The following EPB41L2 variants were observed in gnomAD, a reference collection of about 807,000 sequenced individuals.
EPB41L2 encodes the protein erythrocyte membrane protein band 4.1 like 2.
In EPB41L2, 43 loss-of-function variants were observed where a neutral mutation model predicts 113.0. That is an observed-to-expected ratio of 0.38 (90% CI 0.30 to 0.49). The LOEUF (loss-of-function observed/expected upper bound fraction) is 0.49. Among genes scored for constraint, EPB41L2 ranks in the 20% least tolerant of loss-of-function variants. The probability of loss-of-function intolerance (pLI) is 0.95; values close to 1 mark genes in which losing one functional copy is unlikely to be tolerated. For missense variants in EPB41L2, 1,147 were observed against 1,223.4 expected, an observed-to-expected ratio of 0.94 and a Z score of 0.93; for synonymous variants, 442 against 436.7, an observed-to-expected ratio of 1.01 and a Z score of -0.15.
At chr6:130,844,201 T>G (rs1319247594) in intron 19 of EPB41L2, among the ~76,000 whole-genome samples, 1 of 152,224 alleles carries the variant, frequency 6.6e-6, no homozygotes, top group Non-Finnish European at 1.5e-5. Flanking sequence ...CAACATTTCT[T>G]CAGATTAATG....
intron 3 of EPB41L2, among the ~76,000 whole-genome samples, chr6:130,927,085 C>A (rs1475272570): frequency 6.6e-6 from 1 of 152,144 alleles, no homozygotes; most frequent in Non-Finnish European, 1.5e-5. Context: ...CCAGGAAAAT[C>A]ATTTAGCCCT....
chr6:130,986,881 C>T (rs1212819112), intron 1 of EPB41L2, among the ~76,000 whole-genome samples: 1 of 152,054 alleles, frequency 6.6e-6, no homozygotes, highest in Non-Finnish European at 1.5e-5. Flanking sequence ...AAAAAAGAAA[C>T]CTCATACTCC....
chr6:131,024,947 G>A (rs1476073944), intron 1 of EPB41L2, among the ~76,000 whole-genome samples: 1 of 152,042 alleles, frequency 6.6e-6, no homozygotes, highest in Admixed American at 6.6e-5. Context: ...CCTAAGAACA[G>A]TCTTCTTCCT....
Position 130,879,504 on chromosome 6 carries a change from GA to G in EPB41L2, c.1896+639del, listed in dbSNP as rs887163413. Among the ~76,000 whole-genome samples, 95 of 150,726 alleles carry G rather than the reference GA, an allele frequency of 6.3e-4. 2 individuals are homozygous for G. In the East Asian group the frequency reaches 0.016, roughly 25 times the overall value. On this transcript the variant is annotated intron_variant, in intron 13 of 19. Coordinates refer to ENST00000337057, the MANE Select transcript of EPB41L2 (RefSeq NM_001431.4). ...CACATACTACTGTAAAATAAGAAGG[GA>G]AAAAAAAATGTTCTCACGTGACACG...
intron 3 of EPB41L2, among the ~76,000 whole-genome samples, chr6:130,929,631 T>G (rs146156461): frequency 6.6e-6 from 1 of 152,190 alleles, no homozygotes; most frequent in East Asian, 1.9e-4. Flanking sequence ...TATATGCAAC[T>G]GGCAGAGAAA....
At chr6:130,923,056 C>T (rs13205393) in intron 4 of EPB41L2, among the ~76,000 whole-genome samples, 3,160 of 152,290 alleles carry the variant, frequency 0.021, 51 homozygotes, top group South Asian at 0.061. Context: ...GTCGAGTCCT[C>T]CTACCCTTCT....
At chr6:130,997,847 G>T (rs1159164833) in intron 1 of EPB41L2, among the ~76,000 whole-genome samples, 3 of 152,104 alleles carry the variant, frequency 2.0e-5, no homozygotes, top group Non-Finnish European at 4.4e-5. Flanking sequence ...TTGGACACAA[G>T]TTTCACTCAT....
chr6:131,010,641 G>A (rs1369440843), intron 1 of EPB41L2, among the ~76,000 whole-genome samples: 1 of 152,136 alleles, frequency 6.6e-6, no homozygotes, highest in African/African-American at 2.4e-5. Context: ...TCGAACTCCT[G>A]ACCTCAAGTG....
chr6:130,873,959 T>C (rs1786624633), intron 14 of EPB41L2, among the ~76,000 whole-genome samples: 1 of 151,896 alleles, frequency 6.6e-6, no homozygotes, highest in South Asian at 2.1e-4. Flanking sequence ...CATCGTCCCT[T>C]GGGGAAGTGG....
chr6:130,985,298 G>C (rs530160479), intron 1 of EPB41L2, among the ~76,000 whole-genome samples: 2 of 152,252 alleles, frequency 1.3e-5, no homozygotes, highest in South Asian at 4.1e-4. Flanking sequence ...CCACATTTGG[G>C]GGGGGACTTT....
chr6:130,956,044 G>T lies in EPB41L2; in HGVS notation c.442C>A (p.Pro148Thr). Reference protein sequence around the residue: ...EIKVEVKEEKPSVSKEEKPSV... With the variant: ...EIKVEVKEEKTSVSKEEKPSV... The stretch of plus-strand genomic sequence containing the variant: ...GGTTTTTCTTCCTTGCTCACTGAGG[G>T]TTTTTCTTCCTTGACTTCAACTTTA... Residue 148 changes from proline (P) to threonine (T), a missense_variant, in exon 2 of 20, where the codon CCC becomes ACC. Pro to Thr is a conservative substitution (Grantham distance 38). Transcript: ENST00000337057. 6.2e-7 allele frequency: 1 copy of T among 1,613,862 alleles called. No homozygotes were observed. Among genetic ancestry groups the T allele is most frequent in the Non-Finnish European group, 8.5e-7 (1 of 1,179,938 alleles).
intron 1 of EPB41L2, among the ~76,000 whole-genome samples, chr6:131,042,489 C>G (rs1042351678): frequency 6.6e-6 from 1 of 152,024 alleles, no homozygotes; most frequent in Non-Finnish European, 1.5e-5. Flanking sequence ...ATTATTCTGC[C>G]CTCTTTATTT....
intron 5 of EPB41L2, among the ~76,000 whole-genome samples, chr6:130,907,597 T>A (rs1395530125): frequency 6.6e-6 from 1 of 151,764 alleles, no homozygotes. Flanking sequence ...AAGACGTTTT[T>A]AAAAAGGAAA....
intron 3 of EPB41L2, among the ~76,000 whole-genome samples, chr6:130,943,007 T>C (rs1435293031): frequency 6.6e-6 from 1 of 152,206 alleles, no homozygotes; most frequent in African/African-American, 2.4e-5. Flanking sequence ...TGATGGGCAT[T>C]TGGGTTGGTT....
At chr6:130,902,503 A>G (rs1035259324) in intron 6 of EPB41L2, among the ~76,000 whole-genome samples, 2 of 152,214 alleles carry the variant, frequency 1.3e-5, no homozygotes, top group African/African-American at 2.4e-5. Flanking sequence ...CTATCACTAC[A>G]GTATTTTGAG....
intron 10 of EPB41L2, 138 bp downstream of exon 10, chr6:130,894,206 G>C (rs999183334): frequency 4.6e-6 from 3 of 655,738 alleles, no homozygotes; most frequent in Non-Finnish European, 8.2e-6. Context: ...AAAAAAGAGA[G>C]ATGGAGTCTC....
Position 131,009,673 on chromosome 6 carries a change from C to CA in EPB41L2, c.-14-53175dup, listed in dbSNP as rs1192188835. On this transcript the variant is annotated intron_variant, in intron 1 of 19. Transcript: ENST00000337057. ...TTAACAAACTGTCACCCACCCCCAC[C>CA]AAAAAAAAAAAACCAAACTAGTCAT... Among the ~76,000 whole-genome samples the CA allele has an allele frequency of 4.4e-3, 587 of 133,434 alleles. 3 individuals carry two copies. Among genetic ancestry groups the CA allele is most frequent in the Non-Finnish European group, 4.9e-3 (303 of 61,392 alleles). 87.5% of individuals were successfully genotyped at this position (133,434 alleles called of 152,430 possible).
chr6:130,863,629 C>T lies in EPB41L2; in HGVS notation c.2910+9G>A, dbSNP rs560541842. The T allele has an allele frequency of 1.9e-6, 3 of 1,592,688 alleles. No individual in the cohort carries two copies. Among genetic ancestry groups the T allele is most frequent in the African/African-American group, 2.7e-5 (2 of 74,386 alleles). ...GGCCATTTCCAAAACTAGAACTTAA[C>T]TTATTTACCTGGTCATGATCAATAT... On this transcript the variant is annotated intron_variant, in intron 18 of 19. Transcript: ENST00000337057.
chr6:130,881,769 T>C (rs1040512241), intron 12 of EPB41L2: 3 of 152,128 alleles, frequency 2.0e-5, no homozygotes, highest in Non-Finnish European at 4.4e-5. Context: ...TTATATAGTC[T>C]AAATTTTCAA....
Sources: gnomAD v4.1 joint callset for allele counts (sites outside exome capture counted in the v4.1 genomes callset) on GRCh38, gnomAD v4.1.1 for gene constraint, MANE v1.5 for transcripts, NCBI Gene and HGNC (gene_info 2026-07-23, HGNC 2026-07-21) for gene names.